The following BICC1 variants were observed in gnomAD, a reference collection of about 807,000 sequenced individuals.
The protein encoded by BICC1 is protein bicaudal C homolog 1.
In BICC1, 43 loss-of-function variants were observed where a neutral mutation model predicts 111.0. The ratio of observed to expected loss-of-function variants is 0.39; its 90% CI spans 0.30 to 0.50. BICC1 has a LOEUF of 0.50. Ranked by LOEUF, BICC1 falls within the 20% of genes least tolerant of loss-of-function variation. BICC1 has a pLI of 0.88. For synonymous variants in BICC1, 467 were observed against 434.4 expected, an observed-to-expected ratio of 1.07 and a Z score of -0.93; for missense variants, 1,091 against 1,203.2, an observed-to-expected ratio of 0.91 and a Z score of 1.38.
intron 16 of BICC1, 125 bp from the exon 17 acceptor site, chr10:58,806,879 G>C: frequency 1.1e-6 from 1 of 886,320 alleles, no homozygotes; most frequent in Non-Finnish European, 1.7e-6. Flanking sequence ...TAGACATTTT[G>C]TGTTAAGAAA....
At chr10:58,822,132 C>T (rs9415587) in intron 20 of BICC1, among the ~76,000 whole-genome samples, 111,959 of 152,052 alleles carry the variant, frequency 0.74, 41,278 homozygotes, top group Admixed American at 0.75. Flanking sequence ...CAGTTTGAAA[C>T]GTGATTAACT....
At chr10:58,808,154 A>G (rs1843772347) in intron 17 of BICC1, among the ~76,000 whole-genome samples, 1 of 151,414 alleles carries the variant, frequency 6.6e-6, no homozygotes, top group South Asian at 2.1e-4. Flanking sequence ...TGTGAATTTC[A>G]TTTTGGGAGT....
intron 17 of BICC1, among the ~76,000 whole-genome samples, chr10:58,812,013 G>A (rs1843923280): frequency 6.6e-6 from 1 of 152,112 alleles, no homozygotes; most frequent in South Asian, 2.1e-4. Context: ...TTATGGTAAG[G>A]CACAGTGGAA....
At chr10:58,525,822 T>C (rs1478023716) in intron 1 of BICC1, among the ~76,000 whole-genome samples, 1 of 152,100 alleles carries the variant, frequency 6.6e-6, no homozygotes, top group Non-Finnish European at 1.5e-5. Context: ...TTAGAGTTTA[T>C]GTAGTTGCTG....
intron 3 of BICC1, among the ~76,000 whole-genome samples, chr10:58,769,638 A>G (rs1459176576): frequency 2.0e-5 from 3 of 151,806 alleles, no homozygotes; most frequent in Admixed American, 1.3e-4. Context: ...AGTCTGAACT[A>G]CTATTGGCAC....
At chr10:58,641,420 G>C (rs565824058) in intron 2 of BICC1, among the ~76,000 whole-genome samples, 1 of 151,952 alleles carries the variant, frequency 6.6e-6, no homozygotes, top group Non-Finnish European at 1.5e-5. Flanking sequence ...GTCTTCCTGA[G>C]GTTAGGAGAT....
In BICC1 at chr10:58,658,657, A is replaced by G. The variant is rs549286560; in HGVS notation, c.237+37756A>G. Reference sequence around the variant, plus strand: ...GGGTTTATGGACTTCCATTTTATTCAGTGGATAAATACTGGATAATGGATA... The same window carrying G: ...GGGTTTATGGACTTCCATTTTATTCGGTGGATAAATACTGGATAATGGATA... On this transcript the variant is annotated intron_variant, in intron 2 of 20. Coordinates refer to ENST00000373886, the MANE Select transcript of BICC1 (RefSeq NM_001080512.3). Among the ~76,000 whole-genome samples, 87 of 152,196 alleles carry G rather than the reference A, an allele frequency of 5.7e-4. 1 individual carries two copies. The highest frequency in any genetic ancestry group is 2.0e-3 in the African/African-American group (85 of 41,534).
intron 1 of BICC1, among the ~76,000 whole-genome samples, chr10:58,595,922 G>T (rs940894301): frequency 2.6e-5 from 4 of 152,136 alleles, no homozygotes; most frequent in Non-Finnish European, 4.4e-5. Context: ...AGTGAATCCA[G>T]GAGCTGATTT....
intron 1 of BICC1, among the ~76,000 whole-genome samples, chr10:58,532,442 C>A (rs1483146712): frequency 6.6e-6 from 1 of 151,540 alleles, no homozygotes; most frequent in East Asian, 1.9e-4. Context: ...AGAACAAATA[C>A]CAAATTTATG....
chr10:58,605,132 A>G (rs370897372), intron 1 of BICC1, among the ~76,000 whole-genome samples: 46 of 152,334 alleles, frequency 3.0e-4, no homozygotes, highest in Admixed American at 1.8e-3. Flanking sequence ...AGGCCAGATT[A>G]TCACACTTGT....
At chr10:58,776,921 C>G (rs919223963) in intron 3 of BICC1, among the ~76,000 whole-genome samples, 1 of 151,962 alleles carries the variant, frequency 6.6e-6, no homozygotes, top group Non-Finnish European at 1.5e-5. Context: ...CTTTTTCCAC[C>G]CTCCGTGTTC....
chr10:58,572,912 T>A (rs577959108), intron 1 of BICC1, among the ~76,000 whole-genome samples: 8 of 152,314 alleles, frequency 5.3e-5, no homozygotes, highest in Admixed American at 3.3e-4. Context: ...TTATTATTTA[T>A]TCTGTTATGT....
rs1382159790 is a variant in BICC1, at chr10:58,828,778, A to G, written c.2812A>G (p.Arg938Gly). 5.0e-6 allele frequency: 8 copies of G among 1,613,698 alleles called. No individual in the cohort carries two copies. The highest frequency in any genetic ancestry group is 2.2e-5 in the East Asian group (1 of 44,828). ...LAISELNKNR[R>G]KLFESPNART... Reference sequence around the variant, plus strand: ...CTCTCTAGAACTAAATAAAAACCGAAGAAAGCTTTTTGAATCGCCAAATGC... The same window carrying G: ...CTCTCTAGAACTAAATAAAAACCGAGGAAAGCTTTTTGAATCGCCAAATGC... Residue 938 changes from arginine to glycine, a missense_variant, in exon 21 of 21, where the codon AGA becomes GGA. Arg to Gly is a moderately radical substitution (Grantham distance 125). Transcript: ENST00000373886.
chr10:58,624,793 C>T (rs906158727), intron 2 of BICC1, among the ~76,000 whole-genome samples: 1 of 152,040 alleles, frequency 6.6e-6, no homozygotes, highest in African/African-American at 2.4e-5. Context: ...GGGCTTTCAC[C>T]ATGTTGACCA....
chr10:58,806,433 CT>C (rs1843709772), intron 15 of BICC1, 150 bp from the exon 16 acceptor site: 1 of 676,168 alleles, frequency 1.5e-6, no homozygotes, highest in Non-Finnish European at 2.6e-6. Context: ...ACAGACATAC[CT>C]TGGATTTCTG....
At chr10:58,825,014 T>C (rs1464065651) in intron 20 of BICC1, among the ~76,000 whole-genome samples, 1 of 152,204 alleles carries the variant, frequency 6.6e-6, no homozygotes, top group Admixed American at 6.5e-5. Flanking sequence ...CAAAACAGTG[T>C]TTTCAGAGTA....
chr10:58,701,394 G>A (rs1564562923), intron 2 of BICC1, among the ~76,000 whole-genome samples: 1 of 152,124 alleles, frequency 6.6e-6, no homozygotes, highest in Admixed American at 6.5e-5. Context: ...CATTTCCGTT[G>A]CTGGGCAGTC....
chr10:58,695,847 T>G (rs1840051602), intron 2 of BICC1, among the ~76,000 whole-genome samples: 1 of 152,166 alleles, frequency 6.6e-6, no homozygotes. Context: ...TATTATGACT[T>G]GAGGATTGAA....
intron 1 of BICC1, among the ~76,000 whole-genome samples, chr10:58,599,931 T>G (rs1032089416): frequency 2.0e-5 from 3 of 149,434 alleles, no homozygotes; most frequent in African/African-American, 4.9e-5. Flanking sequence ...CTAAAGAGGG[T>G]GTGTGTGTGT....
Sources: gnomAD v4.1 joint callset for allele counts (sites outside exome capture counted in the v4.1 genomes callset) on GRCh38, gnomAD v4.1.1 for gene constraint, MANE v1.5 for transcripts, NCBI Gene and HGNC (gene_info 2026-07-23, HGNC 2026-07-21) for gene names.